L3MBTL4: variants seen among roughly 807,000 people sequenced by gnomAD.
L3MBTL4 encodes the protein lethal(3)malignant brain tumor-like protein 4.
Under a neutral mutation model 84.5 loss-of-function variants are expected in L3MBTL4, and 70 were observed. The ratio of observed to expected loss-of-function variants is 0.83; its 90% confidence interval spans 0.68 to 1.01. L3MBTL4 has a LOEUF of 1.01. Ranked by LOEUF, L3MBTL4 falls within the 50% of genes least tolerant of loss-of-function variation. L3MBTL4 has a pLI of 0.00. For synonymous variants in L3MBTL4, 274 were observed against 259.8 expected (o/e 1.05, Z -0.52); for missense variants, 715 against 754.8 (o/e 0.95, Z 0.62).
intron 14 of L3MBTL4, among the ~76,000 whole-genome samples, chr18:6,135,898 T>C (rs1475582133): frequency 6.6e-6 from 1 of 152,216 alleles, no homozygotes; most frequent in Non-Finnish European, 1.5e-5. Flanking sequence ...TACTGTATTA[T>C]TCTGTTTTCA....
intron 13 of L3MBTL4, among the ~76,000 whole-genome samples, chr18:6,167,437 T>C (rs1219823764): frequency 6.6e-6 from 1 of 152,216 alleles, no homozygotes; most frequent in African/African-American, 2.4e-5. Flanking sequence ...AATAGAATAC[T>C]GGCAAAGTGA....
chr18:5,970,280 GTTATAAA>G (rs2052575495), intron 16 of L3MBTL4, among the ~76,000 whole-genome samples: 1 of 152,210 alleles, frequency 6.6e-6, no homozygotes, highest in Non-Finnish European at 1.5e-5. Context: ...ATGTACCATG[GTTATAAA>G]GTACAAAGGA....
chr18:6,053,869 G>A (rs928173549), intron 16 of L3MBTL4, among the ~76,000 whole-genome samples: 3 of 152,150 alleles, frequency 2.0e-5, no homozygotes, highest in Non-Finnish European at 4.4e-5. Context: ...ACCTAAATAT[G>A]TGAAAAGTGA....
chr18:6,319,983 T>G (rs1202354193), intron 1 of L3MBTL4, among the ~76,000 whole-genome samples: 1 of 152,122 alleles, frequency 6.6e-6, no homozygotes, highest in East Asian at 1.9e-4. Flanking sequence ...GAGGGATGAT[T>G]TAACACATGC....
At chr18:6,218,949 T>A (rs2046435315) in intron 10 of L3MBTL4, among the ~76,000 whole-genome samples, 1 of 152,058 alleles carries the variant, frequency 6.6e-6, no homozygotes, top group Admixed American at 6.6e-5. Flanking sequence ...AAGAATGAAA[T>A]ACAGGAGACC....
At chr18:5,965,052 A>G (rs945640710) in intron 17 of L3MBTL4, among the ~76,000 whole-genome samples, 8 of 152,210 alleles carry the variant, frequency 5.3e-5, no homozygotes, top group African/African-American at 1.4e-4. Flanking sequence ...CACATACTTT[A>G]CACCTCCACA....
chr18:5,955,983 C>A lies in L3MBTL4; in HGVS notation c.*237G>T. The A allele has an allele frequency of 2.3e-6, 1 of 441,006 alleles. No individual in the cohort carries two copies. The highest frequency in any genetic ancestry group is 4.1e-5 in the South Asian group (1 of 24,422). 27.3% of individuals were successfully genotyped at this position (441,006 alleles called of 1,614,324 possible). A position where few individuals can be genotyped will look rare whatever the true frequency, so the allele number is the denominator to read the frequency against. ...CAAACAAATCAGAGCTGAGCGGATCCCACCAAAGATAACAATGTTCGTAAA... is the reference window on the plus strand; with the variant it reads ...CAAACAAATCAGAGCTGAGCGGATCACACCAAAGATAACAATGTTCGTAAA... On this transcript the variant is annotated 3_prime_UTR_variant, in exon 19 of 19. Transcript: ENST00000317931.
At chr18:6,340,280 TCTAG>T (rs1398450540) in intron 1 of L3MBTL4, among the ~76,000 whole-genome samples, 2 of 152,086 alleles carry the variant, frequency 1.3e-5, no homozygotes, top group East Asian at 3.9e-4. Flanking sequence ...AACCCCAGAG[TCTAG>T]CTAAGTTTCT....
chr18:6,035,281 G>T (rs1313196120), intron 16 of L3MBTL4, among the ~76,000 whole-genome samples: 3 of 152,134 alleles, frequency 2.0e-5, no homozygotes, highest in African/African-American at 7.2e-5. Flanking sequence ...TATGGTTTTA[G>T]GTCTAACGTT....
At chr18:6,125,868 A>C (rs1487638651) in intron 14 of L3MBTL4, among the ~76,000 whole-genome samples, 6 of 152,248 alleles carry the variant, frequency 3.9e-5, no homozygotes, top group African/African-American at 1.2e-4. Flanking sequence ...TGGCACTATT[A>C]ATATGAGACA....
intron 16 of L3MBTL4, among the ~76,000 whole-genome samples, chr18:5,980,336 C>A (rs2053153269): frequency 6.6e-6 from 1 of 152,068 alleles, no homozygotes; most frequent in Non-Finnish European, 1.5e-5. Context: ...GGATTCCCCC[C>A]AGGAAGTGAA....
chr18:6,341,740 C>T (rs1277593307), intron 1 of L3MBTL4, among the ~76,000 whole-genome samples: 1 of 151,830 alleles, frequency 6.6e-6, no homozygotes, highest in Non-Finnish European at 1.5e-5. Flanking sequence ...AAAATTAAGA[C>T]AGAAAACTTC....
chr18:6,144,921 G>A (rs2042583905), intron 13 of L3MBTL4, among the ~76,000 whole-genome samples: 2 of 152,236 alleles, frequency 1.3e-5, no homozygotes, highest in African/African-American at 2.4e-5. Flanking sequence ...AAGAGCCTGG[G>A]CCCACAACAC....
At chr18:6,335,756 C>A (rs2052303073) in intron 1 of L3MBTL4, among the ~76,000 whole-genome samples, 1 of 152,140 alleles carries the variant, frequency 6.6e-6, no homozygotes, top group African/African-American at 2.4e-5. Flanking sequence ...TTGACAATAC[C>A]TCCTTCACAC....
intron 8 of L3MBTL4, among the ~76,000 whole-genome samples, chr18:6,240,387 A>G (rs1163819800): frequency 6.7e-6 from 1 of 150,252 alleles, no homozygotes; most frequent in Non-Finnish European, 1.5e-5. Flanking sequence ...ATTATAATTT[A>G]AAATGTGTAT....
At position 6,028,744 on chromosome 18, in the gene L3MBTL4, T is replaced by C. The variant is rs574528145; in HGVS notation, c.1444+52137A>G. Among the ~76,000 whole-genome samples the C allele has an allele frequency of 2.7e-3, 411 of 152,262 alleles. 2 individuals are homozygous for C. The highest frequency in any genetic ancestry group is 9.0e-3 in the African/African-American group (375 of 41,540). On this transcript the variant is annotated intron_variant, in intron 16 of 18. Coordinates refer to ENST00000317931, the MANE Select transcript of L3MBTL4 (RefSeq NM_001330559.2). ...TGGTTTGTAGTTCTTCTTGAAGAGG[T>C]CCTTCACAACTTGTATTCCCAGGTA...
chr18:6,215,896 C>T (rs2046306283), intron 10 of L3MBTL4, 61 bp from the exon 11 acceptor site: 3 of 925,738 alleles, frequency 3.2e-6, no homozygotes, highest in Admixed American at 5.3e-5. Flanking sequence ...TTCCCGTATA[C>T]TACAAAACGT....
intron 17 of L3MBTL4, among the ~76,000 whole-genome samples, chr18:5,961,777 A>G (rs1047528084): frequency 3.9e-5 from 6 of 152,090 alleles, no homozygotes; most frequent in Admixed American, 1.3e-4. Context: ...GGGCTAATAC[A>G]GTTTTCTTGT....
intron 4 of L3MBTL4, among the ~76,000 whole-genome samples, chr18:6,267,299 A>G (rs114554387): frequency 0.013 from 1,922 of 152,324 alleles, 38 homozygotes; most frequent in African/African-American, 0.043. Flanking sequence ...TAATCATCAA[A>G]TAAGACACCA....
Sources: allele counts gnomAD v4.1 joint callset (sites outside exome capture counted in the v4.1 genomes callset), GRCh38; gene constraint gnomAD v4.1.1; transcripts MANE v1.5; gene names NCBI Gene and HGNC (gene_info 2026-07-23, HGNC 2026-07-21).